The following CUL4A variants were observed in gnomAD, a reference collection of about 807,000 sequenced individuals.
CUL4A encodes the protein cullin-4A.
In CUL4A, 16 loss-of-function variants were observed where a neutral mutation model predicts 95.5. The observed-to-expected ratio is 0.17, with a 90% CI of 0.11 to 0.25. The LOEUF is 0.25. CUL4A is among the 10% of genes least tolerant of loss of function. The pLI is 1.00. For synonymous variants in CUL4A, 380 were observed against 353.1 expected (o/e 1.08, Z -0.85); for missense variants, 610 against 937.0 (o/e 0.65, Z 4.56).
intron 15 of CUL4A, among the ~76,000 whole-genome samples, chr13:113,252,337 A>T (rs560179294): frequency 6.6e-6 from 1 of 152,182 alleles, no homozygotes; most frequent in South Asian, 2.1e-4. Context: ...GGATTTCAAG[A>T]CCAGCCTGGG....
intron 15 of CUL4A, among the ~76,000 whole-genome samples, chr13:113,246,806 A>G (rs2041869593): frequency 1.3e-5 from 2 of 152,232 alleles, no homozygotes; most frequent in African/African-American, 4.8e-5. Flanking sequence ...TATTTAACAC[A>G]TCAGGCTTCA....
chr13:113,212,257 C>G (rs2040477513), intron 2 of CUL4A, among the ~76,000 whole-genome samples: 1 of 152,156 alleles, frequency 6.6e-6, no homozygotes, highest in African/African-American at 2.4e-5. Flanking sequence ...TTCAACTTGT[C>G]TTTTGATTCT....
rs2139055434 is a variant in CUL4A at position 113,210,100 on chromosome 13, G to T, written c.264+12G>T. On this transcript the variant is annotated intron_variant, in intron 2 of 19. Coordinates refer to ENST00000375440, the MANE Select transcript of CUL4A (RefSeq NM_001008895.4). ...AGGAGCTCTACCAGGTGAGGCGGCGGCCGGGGCTGGGGACGCCGCTCCTGC... is the reference window on the plus strand; with the variant it reads ...AGGAGCTCTACCAGGTGAGGCGGCGTCCGGGGCTGGGGACGCCGCTCCTGC... 2 of 1,481,910 alleles carry T rather than the reference G, an allele frequency of 1.3e-6. No individual in the cohort carries two copies. The highest frequency in any genetic ancestry group is 1.3e-5 in the South Asian group (1 of 78,268). 91.8% of individuals were successfully genotyped at this position (1,481,910 alleles called of 1,614,324 possible).
chr13:113,252,889 C>G (rs773865835), intron 15 of CUL4A, among the ~76,000 whole-genome samples, 193 bp from the exon 16 acceptor site: 15 of 152,220 alleles, frequency 9.9e-5, no homozygotes, highest in Non-Finnish European at 1.8e-4. Flanking sequence ...GGCATTATCT[C>G]GTTGACACTG....
intron 18 of CUL4A, among the ~76,000 whole-genome samples, chr13:113,257,015 T>C (rs2042146527): frequency 7.6e-6 from 1 of 131,918 alleles, no homozygotes; most frequent in Non-Finnish European, 1.6e-5. Context: ...ACCTCCGTCC[T>C]CCGGGTTCAA....
chr13:113,256,925 C>CTTTTTTTTTTTTTTTTTTTTT (rs1491171316), intron 18 of CUL4A, among the ~76,000 whole-genome samples: 7 of 37,272 alleles, frequency 1.9e-4, no homozygotes, highest in Non-Finnish European at 2.2e-4. Flanking sequence ...TTTTTTTTTT[C>CTTTTTTTTTTTTTTTTTTTTT]GTTTTTTTTT....
rs368221892 is a variant in CUL4A, at chr13:113,229,536, C to T, written c.512+17C>T. On this transcript the variant is annotated intron_variant, in intron 5 of 19. Coordinates refer to ENST00000375440, the MANE Select transcript of CUL4A (RefSeq NM_001008895.4). The stretch of plus-strand genomic sequence containing the variant: ...CTCCATCTGGTGAGTGTCCTCACAG[C>T]GCAGAGCTGCGTCTTCCCTGCAGCT... The T allele has an allele frequency of 7.5e-6, 12 of 1,603,076 alleles. No homozygotes were observed. Among genetic ancestry groups the T allele is most frequent in the African/African-American group, 2.7e-5 (2 of 74,736 alleles).
intron 2 of CUL4A, among the ~76,000 whole-genome samples, chr13:113,215,735 G>A (rs530519879): frequency 6.3e-5 from 9 of 142,614 alleles, no homozygotes; most frequent in Admixed American, 2.8e-4. Context: ...TGGAGGTCGC[G>A]TCCCGTGTGG....
chr13:113,251,167 A>T (rs1351666739), intron 15 of CUL4A, among the ~76,000 whole-genome samples: 1 of 152,188 alleles, frequency 6.6e-6, no homozygotes, highest in African/African-American at 2.4e-5. Context: ...ACACTGTGCT[A>T]TAGATGCTGG....
chr13:113,230,010 G>A (rs1045126841), intron 5 of CUL4A: 4 of 260,488 alleles, frequency 1.5e-5, no homozygotes, highest in Non-Finnish European at 2.9e-5. Context: ...CCTCAGCAGC[G>A]TTCGCGGCCA....
In CUL4A at chr13:113,229,076, G is replaced by C. The variant is rs537943872; in HGVS notation, c.439-370G>C. Among the ~76,000 whole-genome samples, 3 of 152,056 alleles carry C rather than the reference G, an allele frequency of 2.0e-5. 1 individual carries two copies. Among genetic ancestry groups the C allele is most frequent in the African/African-American group, 7.2e-5 (3 of 41,406 alleles). On this transcript the variant is annotated intron_variant, in intron 4 of 19. Coordinates refer to ENST00000375440, the MANE Select transcript of CUL4A (RefSeq NM_001008895.4). ...CCAGGAGGCGGAGCTTGCACATCAC[G>C]CCACCGCACTCCAGCCTGGGCGACA...
At chr13:113,235,404 CTATT>C (rs2041505968) in intron 8 of CUL4A, among the ~76,000 whole-genome samples, 1 of 152,152 alleles carries the variant, frequency 6.6e-6, no homozygotes, top group South Asian at 2.1e-4. Flanking sequence ...TTGAGACGGT[CTATT>C]TATGTTAATG....
intron 9 of CUL4A, among the ~76,000 whole-genome samples, chr13:113,237,465 A>G (rs954972492): frequency 6.6e-6 from 1 of 152,198 alleles, no homozygotes; most frequent in Non-Finnish European, 1.5e-5. Flanking sequence ...GTACCTGGCC[A>G]TAGGAAGGTG....
At chr13:113,210,926 C>T (rs971990152) in intron 2 of CUL4A, among the ~76,000 whole-genome samples, 2 of 152,210 alleles carry the variant, frequency 1.3e-5, no homozygotes, top group African/African-American at 2.4e-5. Flanking sequence ...TACATACATC[C>T]ATTCTTTGTC....
intron 3 of CUL4A, among the ~76,000 whole-genome samples, chr13:113,226,569 A>G (rs1566334730): frequency 6.6e-6 from 1 of 152,190 alleles, no homozygotes; most frequent in South Asian, 2.1e-4. Flanking sequence ...AGGAGCCCAT[A>G]TTCTGGGTTC....
chr13:113,262,478 C>T (rs536537408), intron 19 of CUL4A, among the ~76,000 whole-genome samples: 1 of 152,214 alleles, frequency 6.6e-6, no homozygotes, highest in South Asian at 2.1e-4. Flanking sequence ...TAGTGAGACC[C>T]CTTCTCTACA....
Position 113,216,045 on chromosome 13 carries a change from T to A in CUL4A, c.265-2900T>A, listed in dbSNP as rs1006583766. Among the ~76,000 whole-genome samples the A allele has an allele frequency of 7.1e-4, 104 of 147,158 alleles. 2 individuals carry two copies. The highest frequency in any genetic ancestry group is 8.7e-4 in the Non-Finnish European group (58 of 67,004). ...GAGGTCGTGTGTGACTATGGAGGTC[T>A]CGTCCACGTGGCTGTGGAGGTCTTT... On this transcript the variant is annotated intron_variant, in intron 2 of 19. Coordinates refer to ENST00000375440, the MANE Select transcript of CUL4A (RefSeq NM_001008895.4).
intron 7 of CUL4A, among the ~76,000 whole-genome samples, chr13:113,234,844 C>A (rs1241129216): frequency 6.6e-6 from 1 of 152,194 alleles, no homozygotes; most frequent in African/African-American, 2.4e-5. Context: ...AGCCTGGGCC[C>A]TGTTGTAGGA....
intron 15 of CUL4A, among the ~76,000 whole-genome samples, chr13:113,246,290 G>A (rs1162715258): frequency 1.3e-5 from 2 of 152,184 alleles, no homozygotes; most frequent in African/African-American, 4.8e-5. Context: ...GACCTGCAGG[G>A]GGCCCATGAG....
Sources: gnomAD v4.1 joint callset for allele counts (sites outside exome capture counted in the v4.1 genomes callset) on GRCh38, gnomAD v4.1.1 for gene constraint, MANE v1.5 for transcripts, NCBI Gene and HGNC (gene_info 2026-07-23, HGNC 2026-07-21) for gene names.